The following NEB variants were observed in gnomAD, a reference collection of about 807,000 sequenced individuals.
NEB encodes nemaline myopathy type 2.
NEB carries 512 observed loss-of-function variants against 952.2 expected under a neutral mutation model. That is an observed-to-expected ratio of 0.54 (90% confidence interval 0.50 to 0.58). The LOEUF is 0.58. Among genes scored for constraint, NEB ranks in the 20% least tolerant of loss-of-function variants. The probability of loss-of-function intolerance (pLI) is 0.00; values close to 1 mark genes in which losing one functional copy is unlikely to be tolerated. For missense variants in NEB, 8,428 were observed against 9,231.1 expected, an observed-to-expected ratio of 0.91 and a Z score of 3.56; for synonymous variants, 2,900 against 3,149.8, an observed-to-expected ratio of 0.92 and a Z score of 2.66.
chr2:151,507,737 G>A (rs551070692), intron 162 of NEB: 3 of 369,722 alleles, frequency 8.1e-6, no homozygotes, highest in East Asian at 8.6e-5. Flanking sequence ...AGGGGTTTTC[G>A]CCATGAACCT....
intron 105 of NEB, among the ~76,000 whole-genome samples, chr2:151,576,945 G>A (rs562358079): frequency 1.4e-4 from 22 of 152,130 alleles, no homozygotes; most frequent in Middle Eastern, 3.4e-3. Flanking sequence ...CTGTGGCAAG[G>A]GTCTGTGTGG....
intron 178 of NEB, 67 bp downstream of exon 178, chr2:151,492,031 A>T: frequency 6.7e-7 from 1 of 1,492,486 alleles, no homozygotes; most frequent in South Asian, 1.2e-5. Context: ...GATGTAGGTA[A>T]TGCTACTTTT....
chr2:151,728,784 G>A (rs1167563662), intron 4 of NEB, among the ~76,000 whole-genome samples: 1 of 152,080 alleles, frequency 6.6e-6, no homozygotes, highest in African/African-American at 2.4e-5. Flanking sequence ...AAGAATTCTA[G>A]CATCAATTAT....
chr2:151,529,531 A>G (rs1014573727), intron 145 of NEB, among the ~76,000 whole-genome samples: 1 of 143,440 alleles, frequency 7.0e-6, no homozygotes, highest in African/African-American at 2.5e-5. Context: ...GTGTTGCCAT[A>G]TAATTTTTTT....
At chr2:151,500,433 A>AT in intron 168 of NEB, among the ~76,000 whole-genome samples, 1 of 152,152 alleles carries the variant, frequency 6.6e-6, no homozygotes, top group South Asian at 2.1e-4. Context: ...TACACAAATA[A>AT]TTTGTGTGTT....
intron 60 of NEB, 54 bp from the exon 61 acceptor site, chr2:151,640,720 A>G: frequency 1.3e-6 from 2 of 1,543,432 alleles, no homozygotes; most frequent in Non-Finnish European, 1.8e-6. Flanking sequence ...GTAAAAAGCA[A>G]TCACTAAGCC....
chr2:151,625,711 A>G, intron 70 of NEB, 73 bp from the exon 71 acceptor site: 1 of 1,022,672 alleles, frequency 9.8e-7, no homozygotes, highest in Non-Finnish European at 1.4e-6. Flanking sequence ...TTAAGACACC[A>G]TGACAAAGTT....
At chr2:151,505,864 T>C in intron 164 of NEB, 1 of 532,996 alleles carries the variant, frequency 1.9e-6, no homozygotes, top group Non-Finnish European at 3.3e-6. Flanking sequence ...AGCAGGTCGT[T>C]TGACTAGGAT....
rs374471394 is a variant in NEB, at chr2:151,627,203, G to C, written c.10146C>G (p.Asn3382Lys). The C allele has an allele frequency of 9.3e-6, 15 of 1,611,682 alleles. No homozygotes were observed. The African/African-American group carries it at 2.0e-4, about 22-fold the overall frequency. ...ARQAYDLQSDNIYKSDLQWLR... is the reference protein window; with the variant it reads ...ARQAYDLQSDKIYKSDLQWLR... ...GCCACTGGAGATCAGATTTGTAAAT[G>C]TTCTGGAGAGATTAAACACAAAAGC... is the stretch of plus-strand genomic sequence containing the variant. The change falls in exon 70 of 182, where the codon AAC (asparagine) becomes AAG (lysine). Residue 3382 changes from asparagine to lysine, a missense_variant and splice_region_variant. Physicochemically the swap from Asn to Lys is moderately conservative, Grantham distance 94. Transcript: ENST00000397345.
chr2:151,493,770 A>G lies in NEB; in HGVS notation c.24672+5T>C. The G allele has an allele frequency of 6.5e-7, 1 of 1,546,558 alleles. No individual in the cohort carries two copies. Among genetic ancestry groups the G allele is most frequent in the Non-Finnish European group, 8.8e-7 (1 of 1,134,890 alleles). ...TTAAGGATTTATTTTTCCTTTCTAA[A>G]ATACCGAGCTAAAGTTTTCTTGATT... On this transcript the variant is annotated splice_donor_5th_base_variant and intron_variant, in intron 175 of 181. Transcript: ENST00000397345.
intron 60 of NEB, among the ~76,000 whole-genome samples, chr2:151,641,723 C>A (rs1485408293): frequency 6.6e-6 from 1 of 151,900 alleles, no homozygotes; most frequent in Non-Finnish European, 1.5e-5. Context: ...ATGATTACTT[C>A]CCATATTTTG....
In NEB at chr2:151,547,380, C is replaced by A. The variant is rs772605853; in HGVS notation, c.20367+49G>T. 13 of 1,422,842 alleles carry A rather than the reference C, an allele frequency of 9.1e-6. No homozygotes were observed. In the East Asian group the frequency reaches 9.8e-5, roughly 11 times the overall value. 88.1% of individuals were successfully genotyped at this position (1,422,842 alleles called of 1,614,324 possible). ...GGTTGTTTTAACTGCTGAAAGCAAG[C>A]CTGCGTCTTGGTAAGACTACTCCAG... On this transcript the variant is annotated intron_variant, in intron 133 of 181. Coordinates refer to ENST00000397345, the MANE Select transcript of NEB (RefSeq NM_001164508.2).
intron 9 of NEB, among the ~76,000 whole-genome samples, chr2:151,722,995 T>G (rs972718088): frequency 6.6e-6 from 1 of 152,158 alleles, no homozygotes; most frequent in Admixed American, 6.5e-5. Context: ...GTGGCTATGA[T>G]TACAATAGGT....
intron 113 of NEB, among the ~76,000 whole-genome samples, chr2:151,567,824 A>C (rs766120412): frequency 2.6e-5 from 4 of 152,120 alleles, no homozygotes; most frequent in Non-Finnish European, 5.9e-5. Context: ...GAAAAAGTAA[A>C]GAATTTGAAC....
chr2:151,684,898 A>G lies in NEB; in HGVS notation c.2715T>C (p.Ala905=), dbSNP rs373563301. The change falls in exon 28 of 182, where the codon GCT becomes GCC. Residue 905 remains alanine, a synonymous_variant. Transcript: ENST00000397345. ...APLDMLQVTQ[A]KKSQAIASDV... is the part of the protein sequence containing the mutation. Reference sequence around the variant, plus strand: ...CGCTGGCAATTGCCTGAGATTTCTTAGCTTGAGTGACTTGGAGCATATCAA... The same window carrying G: ...CGCTGGCAATTGCCTGAGATTTCTTGGCTTGAGTGACTTGGAGCATATCAA... The G allele has an allele frequency of 6.2e-7, 1 of 1,613,286 alleles. No individual in the cohort carries two copies. The highest frequency in any genetic ancestry group is 1.1e-5 in the South Asian group (1 of 90,894).
rs749953873 is a variant in NEB, at chr2:151,629,510, A to G, written c.9831+29T>C. ...TCCTGCCTCCCCACTTCATCCATCC[A>G]TGTAAATATCTAGGGTGTTGCTACT... On this transcript the variant is annotated intron_variant, in intron 68 of 181. Transcript: ENST00000397345. 2.1e-5 allele frequency: 33 copies of G among 1,543,482 alleles called. 1 individual carries two copies. The highest frequency in any genetic ancestry group is 3.4e-5 in the South Asian group (3 of 89,444).
chr2:151,562,006 C>A, intron 121 of NEB, 104 bp downstream of exon 121: 1 of 862,160 alleles, frequency 1.2e-6, no homozygotes, highest in African/African-American at 1.7e-5. Flanking sequence ...CAGTTAGAGC[C>A]TACACTGTTA....
At chr2:151,529,391 A>C in intron 145 of NEB, 77 bp from the exon 146 acceptor site, 1 of 941,428 alleles carries the variant, frequency 1.1e-6, no homozygotes. Context: ...AAGAAATTAA[A>C]TCCATGCATG....
At chr2:151,506,286 A>C (rs1294602153) in intron 163 of NEB, 28 bp from the exon 164 acceptor site, 1 of 1,537,382 alleles carries the variant, frequency 6.5e-7, no homozygotes, top group South Asian at 1.1e-5. Context: ...GGACAGTGTT[A>C]ACACAGAAGA....
Sources: allele counts gnomAD v4.1 joint callset (sites outside exome capture counted in the v4.1 genomes callset), GRCh38; gene constraint gnomAD v4.1.1; transcripts MANE v1.5; gene names NCBI Gene and HGNC (gene_info 2026-07-23, HGNC 2026-07-21).